CTNNA2: variants seen among roughly 807,000 people sequenced by gnomAD.
CTNNA2 encodes the protein catenin alpha-2.
CTNNA2 carries 42 observed loss-of-function variants against 101.0 expected under a neutral mutation model. The observed-to-expected ratio is 0.42, with a 90% CI of 0.32 to 0.54. The LOEUF is 0.54. Ranked by LOEUF, CTNNA2 falls within the 20% of genes least tolerant of loss-of-function variation. The pLI is 0.14. For synonymous variants in CTNNA2, 450 were observed against 456.4 expected, an observed-to-expected ratio of 0.99 and a Z score of 0.18; for missense variants, 871 against 1,223.1, an observed-to-expected ratio of 0.71 and a Z score of 4.29.
rs550013374 is a variant in CTNNA2, at chr2:80,490,425, G to A, written c.1291-54557G>A. ...AGTGCGAATGAATGATTGTAGCTGT[G>A]CTAAAATAACTTTATTTGAGGACAT... On this transcript the variant is annotated intron_variant, in intron 9 of 18. Coordinates refer to ENST00000402739, the MANE Select transcript of CTNNA2 (RefSeq NM_001282597.3). Among the ~76,000 whole-genome samples the A allele has an allele frequency of 1.7e-3, 251 of 151,886 alleles. 2 individuals carry two copies. The highest frequency in any genetic ancestry group is 5.7e-3 in the African/African-American group (236 of 41,418).
intron 7 of CTNNA2, among the ~76,000 whole-genome samples, chr2:80,244,034 T>G (rs1205801474): frequency 6.6e-6 from 1 of 152,130 alleles, no homozygotes. Context: ...AGAGTCAAGG[T>G]TTTGGCTGGA....
At chr2:80,126,215 A>C (rs145100410) in intron 7 of CTNNA2, among the ~76,000 whole-genome samples, 1 of 152,130 alleles carries the variant, frequency 6.6e-6, no homozygotes, top group Non-Finnish European at 1.5e-5. Flanking sequence ...CAAAACTCAA[A>C]TCTAAAGCAT....
At chr2:80,049,340 C>T (rs113978456) in intron 7 of CTNNA2, among the ~76,000 whole-genome samples, 2 of 152,022 alleles carry the variant, frequency 1.3e-5, no homozygotes, top group Non-Finnish European at 2.9e-5. Flanking sequence ...ATCTGAAAGA[C>T]GGCAGAACAA....
chr2:79,866,178 G>A (rs1281277729), intron 4 of CTNNA2, among the ~76,000 whole-genome samples: 4 of 152,214 alleles, frequency 2.6e-5, no homozygotes, highest in African/African-American at 9.6e-5. Context: ...GAACAGGCCT[G>A]CGAAAAGGCC....
At chr2:79,879,019 A>G (rs1683229152) in intron 6 of CTNNA2, among the ~76,000 whole-genome samples, 1 of 152,202 alleles carries the variant, frequency 6.6e-6, no homozygotes, top group Non-Finnish European at 1.5e-5. Flanking sequence ...GAAGGGGTCC[A>G]GTTTTAGTTT....
At chr2:79,695,751 T>C (rs1364824267) in intron 2 of CTNNA2, among the ~76,000 whole-genome samples, 1 of 151,986 alleles carries the variant, frequency 6.6e-6, no homozygotes, top group Non-Finnish European at 1.5e-5. Flanking sequence ...GAAAGGTTAA[T>C]GGAGGTTAGA....
intron 7 of CTNNA2, among the ~76,000 whole-genome samples, chr2:79,983,562 G>T (rs932245591): frequency 1.3e-5 from 2 of 152,092 alleles, no homozygotes; most frequent in Admixed American, 6.6e-5. Flanking sequence ...TAATGCAACA[G>T]AAACCATTAA....
At chr2:80,092,617 GC>G (rs909102374) in intron 7 of CTNNA2, among the ~76,000 whole-genome samples, 1 of 152,084 alleles carries the variant, frequency 6.6e-6, no homozygotes, top group Non-Finnish European at 1.5e-5. Flanking sequence ...ATAGAAGACT[GC>G]CCATCCCACC....
At chr2:80,161,469 A>T (rs1347291181) in intron 7 of CTNNA2, among the ~76,000 whole-genome samples, 8 of 152,190 alleles carry the variant, frequency 5.3e-5, no homozygotes. Flanking sequence ...TTAATACATT[A>T]CAAGTTTTTG....
chr2:79,447,475 G>A (rs1313182641), intron 4 of CTNNA2, among the ~76,000 whole-genome samples: 1 of 152,016 alleles, frequency 6.6e-6, no homozygotes, highest in Non-Finnish European at 1.5e-5. Context: ...TAAAGAAAAT[G>A]GAAAATATAT....
intron 2 of CTNNA2, among the ~76,000 whole-genome samples, chr2:79,310,257 A>T (rs1379573564): frequency 6.6e-6 from 1 of 152,218 alleles, no homozygotes; most frequent in East Asian, 1.9e-4. Flanking sequence ...CAATGGTGAT[A>T]ATAAAATATT....
intron 2 of CTNNA2, among the ~76,000 whole-genome samples, chr2:79,202,732 C>CTTTGTTTGTTTGTTTGTTTG (rs34378966): frequency 5.3e-5 from 8 of 151,116 alleles, no homozygotes; most frequent in African/African-American, 2.0e-4. Context: ...TTCTACGTTT[C>CTTTGTTTGTTTGTTTGTTTG]TTTGTTTGTT....
chr2:80,404,386 A>G (rs1240136757), intron 8 of CTNNA2, among the ~76,000 whole-genome samples: 1 of 152,130 alleles, frequency 6.6e-6, no homozygotes, highest in African/African-American at 2.4e-5. Context: ...AGAGAAAAAA[A>G]TAGTAATATA....
chr2:80,323,366 T>G (rs1678910844), intron 7 of CTNNA2, among the ~76,000 whole-genome samples: 1 of 151,754 alleles, frequency 6.6e-6, no homozygotes, highest in Non-Finnish European at 1.5e-5. Context: ...TCTCCTTTCT[T>G]TCTTCCCCTT....
chr2:79,881,232 A>G (rs1460406999), intron 6 of CTNNA2, among the ~76,000 whole-genome samples: 1 of 152,170 alleles, frequency 6.6e-6, no homozygotes, highest in African/African-American at 2.4e-5. Context: ...ACTTCCAATT[A>G]TGTGGTCAAT....
chr2:79,438,124 T>C (rs1678736919), intron 4 of CTNNA2, among the ~76,000 whole-genome samples: 1 of 149,704 alleles, frequency 6.7e-6, no homozygotes, highest in Non-Finnish European at 1.5e-5. Flanking sequence ...AGCAGCAGGG[T>C]CTGGCTTACA....
intron 3 of CTNNA2, among the ~76,000 whole-genome samples, chr2:79,829,992 A>G (rs1338133921): frequency 6.6e-6 from 1 of 152,120 alleles, no homozygotes; most frequent in African/African-American, 2.4e-5. Flanking sequence ...TTGATTGACT[A>G]GGTCTCAGTG....
intron 1 of CTNNA2, among the ~76,000 whole-genome samples, chr2:79,552,804 A>AT (rs1471660172): frequency 1.3e-5 from 2 of 152,164 alleles, no homozygotes; most frequent in Non-Finnish European, 1.5e-5. Flanking sequence ...GCCAGGCATT[A>AT]TTTTTTGAGG....
At chr2:80,306,450 T>TTCTTTCTTTC (rs1553488063) in intron 7 of CTNNA2, among the ~76,000 whole-genome samples, 39 of 125,016 alleles carry the variant, frequency 3.1e-4, no homozygotes, top group Admixed American at 2.7e-3. Context: ...CTTTCTTTCT[T>TTCTTTCTTTC]TCTCTCTCTC....
Sources: allele counts gnomAD v4.1 joint callset (sites outside exome capture counted in the v4.1 genomes callset), GRCh38; gene constraint gnomAD v4.1.1; transcripts MANE v1.5; gene names NCBI Gene and HGNC (gene_info 2026-07-23, HGNC 2026-07-21).